DACH1: variants seen among roughly 807,000 people sequenced by gnomAD.
DACH1 encodes the protein dachshund family transcription factor 1, also known as dachshund homolog 1.
In DACH1, 12 loss-of-function variants were observed where a neutral mutation model predicts 54.2. The observed-to-expected ratio is 0.22, with a 90% CI of 0.14 to 0.36. DACH1 has a LOEUF of 0.36. Ranked by LOEUF, DACH1 falls within the 10% of genes least tolerant of loss-of-function variation. DACH1 has a pLI of 1.00. For missense variants in DACH1, 805 were observed against 929.8 expected, an observed-to-expected ratio of 0.87 and a Z score of 1.75; for synonymous variants, 386 against 366.2, an observed-to-expected ratio of 1.05 and a Z score of -0.62.
intron 1 of DACH1, among the ~76,000 whole-genome samples, chr13:71,753,586 G>C (rs544094363): frequency 1.3e-5 from 2 of 152,244 alleles, no homozygotes; most frequent in Admixed American, 6.5e-5. Context: ...AACATTCATA[G>C]ATTGCCTTGC....
chr13:71,686,318 C>G (rs1357846528), intron 1 of DACH1, among the ~76,000 whole-genome samples: 1 of 152,130 alleles, frequency 6.6e-6, no homozygotes, highest in Non-Finnish European at 1.5e-5. Context: ...GGAACTCACC[C>G]AAGCACACTT....
chr13:71,604,124 A>G (rs1874711410), intron 3 of DACH1, among the ~76,000 whole-genome samples: 1 of 151,976 alleles, frequency 6.6e-6, no homozygotes, highest in Non-Finnish European at 1.5e-5. Flanking sequence ...GTCATATTTA[A>G]TGAATAATAA....
intron 10 of DACH1, among the ~76,000 whole-genome samples, chr13:71,474,620 G>A (rs571223394): frequency 6.6e-6 from 1 of 152,194 alleles, no homozygotes; most frequent in African/African-American, 2.4e-5. Flanking sequence ...GCAGATTTGT[G>A]TTATTAAAGT....
chr13:71,521,804 G>A (rs1445519667), intron 6 of DACH1, among the ~76,000 whole-genome samples: 1 of 152,064 alleles, frequency 6.6e-6, no homozygotes, highest in South Asian at 2.1e-4. Flanking sequence ...GTTTAAAGAC[G>A]AAGAGCCTCA....
intron 6 of DACH1, among the ~76,000 whole-genome samples, chr13:71,519,908 T>TATATATATATATATATATATATATATATA (rs1566312779): frequency 2.9e-5 from 4 of 135,690 alleles, no homozygotes; most frequent in Non-Finnish European, 4.8e-5. Flanking sequence ...TATATATATA[T>TATATATATATATATATATATATATATATA]CCTAACTAAC....
At chr13:71,762,656 A>T (rs1056997450) in intron 1 of DACH1, among the ~76,000 whole-genome samples, 2 of 150,300 alleles carry the variant, frequency 1.3e-5, no homozygotes, top group Non-Finnish European at 3.0e-5. Context: ...AATCCCAGCC[A>T]CTTGGGAAGC....
At chr13:71,590,803 T>C (rs557245529) in intron 3 of DACH1, among the ~76,000 whole-genome samples, 2 of 152,162 alleles carry the variant, frequency 1.3e-5, no homozygotes, top group Admixed American at 1.3e-4. Context: ...GAGCATCATA[T>C]TGCTTAAAAA....
At chr13:71,855,076 C>T (rs1873913149) in intron 1 of DACH1, among the ~76,000 whole-genome samples, 1 of 151,920 alleles carries the variant, frequency 6.6e-6, no homozygotes, top group Admixed American at 6.6e-5. Context: ...CTTCCACTGG[C>T]AATTGTAATA....
intron 1 of DACH1, among the ~76,000 whole-genome samples, chr13:71,702,201 T>C (rs908618125): frequency 6.6e-6 from 1 of 152,194 alleles, no homozygotes; most frequent in Non-Finnish European, 1.5e-5. Flanking sequence ...TTCTCAACTT[T>C]AAAATGATCC....
intron 1 of DACH1, among the ~76,000 whole-genome samples, chr13:71,801,828 A>G (rs1887300486): frequency 6.6e-6 from 1 of 151,272 alleles, no homozygotes. Context: ...AATGTTCTTT[A>G]TCTTGCCCAG....
intron 1 of DACH1, among the ~76,000 whole-genome samples, chr13:71,728,107 G>A (rs1883556948): frequency 6.6e-6 from 1 of 151,924 alleles, no homozygotes; most frequent in Non-Finnish European, 1.5e-5. Context: ...AAAACATGCT[G>A]TCAATTAAAT....
intron 3 of DACH1, among the ~76,000 whole-genome samples, chr13:71,624,862 AG>A (rs1156903635): frequency 1.3e-5 from 2 of 151,950 alleles, no homozygotes; most frequent in Non-Finnish European, 2.9e-5. Context: ...CTGAGAGATA[AG>A]GAGCAATTAG....
At chr13:71,826,011 A>T (rs994228801) in intron 1 of DACH1, among the ~76,000 whole-genome samples, 17 of 152,148 alleles carry the variant, frequency 1.1e-4, no homozygotes, top group South Asian at 8.3e-4. Flanking sequence ...AAGAATTCAC[A>T]CCCTGAGTCC....
intron 1 of DACH1, among the ~76,000 whole-genome samples, chr13:71,854,592 A>C (rs1873880946): frequency 6.6e-6 from 1 of 152,158 alleles, no homozygotes; most frequent in African/African-American, 2.4e-5. Context: ...GTGCCTCTGA[A>C]AGACAAAAAA....
At chr13:71,755,328 G>A (rs1388300829) in intron 1 of DACH1, among the ~76,000 whole-genome samples, 3 of 152,126 alleles carry the variant, frequency 2.0e-5, no homozygotes, top group Non-Finnish European at 4.4e-5. Context: ...TTTAAACATG[G>A]ACCCCAATCA....
At chr13:71,751,004 T>C (rs1259879225) in intron 1 of DACH1, among the ~76,000 whole-genome samples, 3 of 152,200 alleles carry the variant, frequency 2.0e-5, no homozygotes, top group Admixed American at 2.0e-4. Context: ...ATTAATGGAA[T>C]GTAAATAGTC....
At chr13:71,449,077 T>G (rs1874750643) in intron 10 of DACH1, among the ~76,000 whole-genome samples, 2 of 152,164 alleles carry the variant, frequency 1.3e-5, no homozygotes, top group Admixed American at 1.3e-4. Context: ...TGGTGGCTCA[T>G]GCCTGTAATC....
intron 1 of DACH1, among the ~76,000 whole-genome samples, chr13:71,835,696 T>C (rs1243518316): frequency 4.6e-5 from 7 of 152,102 alleles, no homozygotes; most frequent in Non-Finnish European, 1.0e-4. Flanking sequence ...TTTCTGTTTA[T>C]TCTCAAGAGT....
rs1044027715 is a variant in DACH1 at position 71,854,738 on chromosome 13, G to A, written c.848+11184C>T. ...CTTCCTTCCATCACAGTTAGAGAGAGTGGAGTGCAATAGCCATGTTAAATC... is the reference window on the plus strand; with the variant it reads ...CTTCCTTCCATCACAGTTAGAGAGAATGGAGTGCAATAGCCATGTTAAATC... On this transcript the variant is annotated intron_variant, in intron 1 of 10. Transcript: ENST00000613252. 3.9e-5 allele frequency among the ~76,000 whole-genome samples: 6 copies of A among 152,092 alleles called. 1 individual carries two copies. Among genetic ancestry groups the A allele is most frequent in the Admixed American group, 2.6e-4 (4 of 15,256 alleles).
Sources: allele counts gnomAD v4.1 joint callset (sites outside exome capture counted in the v4.1 genomes callset), GRCh38; gene constraint gnomAD v4.1.1; transcripts MANE v1.5; gene names NCBI Gene and HGNC (gene_info 2026-07-23, HGNC 2026-07-21).